Variants in CYP19A1 observed in about 807,000 individuals in gnomAD.
CYP19A1 encodes aromatase.
In CYP19A1, 32 loss-of-function variants were observed where a neutral mutation model predicts 44.4. The ratio of observed to expected loss-of-function variants is 0.72; its 90% CI spans 0.54 to 0.97. The LOEUF is 0.97. CYP19A1 is among the 50% of genes least tolerant of loss of function. The pLI is 0.00. For synonymous variants in CYP19A1, 212 were observed against 215.6 expected (o/e 0.98, Z 0.14); for missense variants, 598 against 637.8 (o/e 0.94, Z 0.67).
intron 1 of CYP19A1, among the ~76,000 whole-genome samples, chr15:51,296,439 A>G (rs1459854142): frequency 1.3e-5 from 2 of 152,182 alleles, no homozygotes; most frequent in Non-Finnish European, 2.9e-5. Context: ...CTCTAAAAAG[A>G]ACAGACAGGC....
At chr15:51,294,406 C>A (rs1287647702) in intron 1 of CYP19A1, among the ~76,000 whole-genome samples, 2 of 150,854 alleles carry the variant, frequency 1.3e-5, no homozygotes, top group African/African-American at 4.9e-5. Context: ...CCGGCCGCCC[C>A]GTCTGAGAAG....
At chr15:51,319,825 A>T (rs2036495532) in intron 1 of CYP19A1, among the ~76,000 whole-genome samples, 1 of 152,126 alleles carries the variant, frequency 6.6e-6, no homozygotes. Flanking sequence ...ATCCAGCTCT[A>T]CCTTAATAGT....
At chr15:51,268,114 C>T (rs549363789) in intron 1 of CYP19A1, among the ~76,000 whole-genome samples, 2 of 152,324 alleles carry the variant, frequency 1.3e-5, no homozygotes, top group East Asian at 3.9e-4. Flanking sequence ...AAGGACTTCG[C>T]CAAAGCATAA....
intron 1 of CYP19A1, chr15:51,319,114 C>G (rs1343948314): frequency 1.3e-5 from 2 of 152,222 alleles, no homozygotes; most frequent in African/African-American, 4.8e-5. Context: ...GCACAGCCTT[C>G]CTTCCCATTG....
At chr15:51,331,869 T>A (rs1332003542) in intron 1 of CYP19A1, among the ~76,000 whole-genome samples, 1 of 152,106 alleles carries the variant, frequency 6.6e-6, no homozygotes, top group South Asian at 2.1e-4. Context: ...GACTTTTTAT[T>A]CTCAATTTTT....
intron 1 of CYP19A1, among the ~76,000 whole-genome samples, chr15:51,298,544 A>T (rs1394614942): frequency 6.6e-6 from 1 of 152,116 alleles, no homozygotes; most frequent in Admixed American, 6.5e-5. Flanking sequence ...ATCTGTAGAA[A>T]TTTTCTAGGG....
At chr15:51,274,749 T>C (rs577992031) in intron 1 of CYP19A1, among the ~76,000 whole-genome samples, 1 of 152,274 alleles carries the variant, frequency 6.6e-6, no homozygotes, top group South Asian at 2.1e-4. Context: ...TCCCTGGCCC[T>C]CGCTCCTGTA....
intron 1 of CYP19A1, among the ~76,000 whole-genome samples, chr15:51,296,717 C>T (rs1394600418): frequency 1.3e-5 from 2 of 152,066 alleles, no homozygotes; most frequent in African/African-American, 4.8e-5. Context: ...AGTTTTTTCC[C>T]TCAATGTCCT....
At chr15:51,240,048 AC>A (rs1566888594) in intron 2 of CYP19A1, among the ~76,000 whole-genome samples, 1 of 67,808 alleles carries the variant, frequency 1.5e-5, no homozygotes, top group Non-Finnish European at 2.8e-5. Flanking sequence ...GAAGCTTCCA[AC>A]CCCGCCCCCC....
At chr15:51,321,010 G>A (rs991349214) in intron 1 of CYP19A1, 5 of 152,344 alleles carry the variant, frequency 3.3e-5, no homozygotes, top group African/African-American at 9.7e-5. Context: ...CTCACGGCCT[G>A]TACTGGACAG....
At chr15:51,250,821 T>G (rs939049814) in intron 1 of CYP19A1, among the ~76,000 whole-genome samples, 1 of 152,186 alleles carries the variant, frequency 6.6e-6, no homozygotes, top group Non-Finnish European at 1.5e-5. Context: ...AGGTTTCCCA[T>G]GACTTCACTT....
intron 1 of CYP19A1, among the ~76,000 whole-genome samples, chr15:51,275,040 C>T (rs990151945): frequency 6.6e-6 from 1 of 152,176 alleles, no homozygotes; most frequent in Non-Finnish European, 1.5e-5. Flanking sequence ...ATTTGGCTTC[C>T]GCTCCGCTTG....
chr15:51,277,056 G>A (rs550387289), intron 1 of CYP19A1: 1 of 152,066 alleles, frequency 6.6e-6, no homozygotes, highest in South Asian at 2.1e-4. Flanking sequence ...AAAGAAAAAA[G>A]AAATAAAGAA....
chr15:51,310,518 A>C (rs990578161), intron 1 of CYP19A1, among the ~76,000 whole-genome samples: 3 of 152,202 alleles, frequency 2.0e-5, no homozygotes, highest in Non-Finnish European at 4.4e-5. Context: ...TTGGACACAC[A>C]GTCAGATGCA....
chr15:51,237,762 A>AAT (rs1380783586), intron 2 of CYP19A1, among the ~76,000 whole-genome samples: 3 of 152,216 alleles, frequency 2.0e-5, no homozygotes. Context: ...TGTAAAGAAC[A>AAT]TGCGTCCAGG....
chr15:51,292,460 C>T lies in CYP19A1; in HGVS notation c.-39+46035G>A, dbSNP rs539430754. On this transcript the variant is annotated intron_variant, in intron 1 of 9. Transcript: ENST00000396402. ...TGACCCAGCATGTGACGACAAGGTGCCTTGTGGATCCCAAATTTATGGAAA... is the reference window on the plus strand; with the variant it reads ...TGACCCAGCATGTGACGACAAGGTGTCTTGTGGATCCCAAATTTATGGAAA... 3.9e-5 allele frequency among the ~76,000 whole-genome samples: 6 copies of T among 152,334 alleles called. No homozygotes were observed. The South Asian group carries it at 8.3e-4, about 21-fold the overall frequency.
chr15:51,248,641 G>A (rs187085075), intron 1 of CYP19A1, among the ~76,000 whole-genome samples: 8 of 152,286 alleles, frequency 5.3e-5, no homozygotes, highest in Non-Finnish European at 1.0e-4. Flanking sequence ...AATTCCCAAA[G>A]GACAGGGATC....
chr15:51,215,659 A>AT, intron 7 of CYP19A1, 44 bp downstream of exon 7: 1 of 1,613,790 alleles, frequency 6.2e-7, no homozygotes. Context: ...CTACACAGTC[A>AT]TAACATATGT....
chr15:51,295,683 CAG>C (rs1407075491), intron 1 of CYP19A1, among the ~76,000 whole-genome samples: 1 of 152,168 alleles, frequency 6.6e-6, no homozygotes, highest in Non-Finnish European at 1.5e-5. Context: ...CTCAGAAAGA[CAG>C]ATGTGGGACA....
Sources: gnomAD v4.1 joint callset for allele counts (sites outside exome capture counted in the v4.1 genomes callset) on GRCh38, gnomAD v4.1.1 for gene constraint, MANE v1.5 for transcripts, NCBI Gene and HGNC (gene_info 2026-07-23, HGNC 2026-07-21) for gene names.